Variants in THEM4 observed in about 807,000 individuals in gnomAD.
THEM4 encodes thioesterase superfamily member 4.
THEM4 carries 22 observed loss-of-function variants against 25.0 expected under a neutral mutation model. The observed-to-expected ratio is 0.88, with a 90% CI of 0.63 to 1.26. The LOEUF (loss-of-function observed/expected upper bound fraction) is 1.26, where lower values mean the gene tolerates loss of function less well. Ranked by LOEUF, THEM4 falls within the 50% of genes most tolerant of loss-of-function variation. The probability of loss-of-function intolerance (pLI) is 0.00; values close to 1 mark genes in which losing one functional copy is unlikely to be tolerated. For missense variants in THEM4, 286 were observed against 300.3 expected, an observed-to-expected ratio of 0.95 and a Z score of 0.35; for synonymous variants, 113 against 105.6, an observed-to-expected ratio of 1.07 and a Z score of -0.43.
intron 2 of THEM4, among the ~76,000 whole-genome samples, chr1:151,893,387 AAAAACAAAAAAACAAC>A (rs1246072302): frequency 7.1e-6 from 1 of 141,196 alleles, no homozygotes; most frequent in Non-Finnish European, 1.5e-5. Flanking sequence ...CAAAAACAAA[AAAAACAAAAAAACAAC>A]AAAACAAAAA....
At position 151,877,078 on chromosome 1, in the gene THEM4, T is replaced by G; in HGVS notation, c.605A>C (p.Lys202Thr). The G allele has an allele frequency of 6.2e-7, 1 of 1,613,714 alleles. No homozygotes were observed. Among genetic ancestry groups the G allele is most frequent in the Admixed American group, 1.7e-5 (1 of 59,970 alleles). Residue 202 changes from lysine (K) to threonine (T), a missense_variant, in exon 5 of 6, where the codon AAA becomes ACA. Physicochemically the swap from Lys to Thr is moderately conservative, Grantham distance 78. Transcript: ENST00000368814. ...AACAAAAAATTTCCTTCCTTCAACT[T>G]TATCAAGTTGGCTATTTATCATAAC... ...SVVMINSQLD[K>T]VEGRKFFVSC...
rs1421527430 is a variant in THEM4 at position 151,877,139 on chromosome 1, TG to T, written c.558-15del. The T allele has an allele frequency of 1.3e-6, 2 of 1,589,096 alleles. No individual in the cohort carries two copies. The highest frequency in any genetic ancestry group is 1.7e-6 in the Non-Finnish European group (2 of 1,173,106). On this transcript the variant is annotated splice_polypyrimidine_tract_variant and intron_variant, in intron 4 of 5. Transcript: ENST00000368814. ...AGAGGGATAGGTCTGCAGAATAAAA[TG>T]AAAAAGGAAAAAAATCAGTTTTTAT...
At chr1:151,901,682 A>C (rs551896659) in intron 1 of THEM4, among the ~76,000 whole-genome samples, 83 of 152,256 alleles carry the variant, frequency 5.5e-4, no homozygotes, top group Middle Eastern at 3.4e-3. Context: ...GTCTCTACTA[A>C]AAATACAAAA....
intron 1 of THEM4, among the ~76,000 whole-genome samples, chr1:151,908,952 C>T (rs1654534747): frequency 6.6e-6 from 1 of 152,192 alleles, no homozygotes; most frequent in Non-Finnish European, 1.5e-5. Flanking sequence ...GGAAGATAAG[C>T]GTTTGGATCA....
chr1:151,890,912 T>TA (rs1654079906), intron 2 of THEM4: 1 of 152,216 alleles, frequency 6.6e-6, no homozygotes, highest in South Asian at 2.1e-4. Flanking sequence ...GACTTCAGGA[T>TA]AAGATAGGTG....
chr1:151,886,158 G>A (rs1382817963), intron 4 of THEM4, among the ~76,000 whole-genome samples: 1 of 152,198 alleles, frequency 6.6e-6, no homozygotes, highest in East Asian at 1.9e-4. Context: ...TAAGATGTGA[G>A]TTCTAATTCT....
chr1:151,905,518 A>T (rs1654438389), intron 1 of THEM4, among the ~76,000 whole-genome samples: 1 of 152,200 alleles, frequency 6.6e-6, no homozygotes, highest in East Asian at 1.9e-4. Context: ...AAATTTAAAA[A>T]GTGAAAAACA....
rs1654555517 is a variant in THEM4 at position 151,909,473 on chromosome 1, G to T, written c.-15C>A. The stretch of plus-strand genomic sequence containing the variant: ...CTCCTCAGCATGGCTCCGGGCCGCG[G>T]GGCCGCGCTTGCTCTAGCCCTGGAC... On this transcript the variant is annotated 5_prime_UTR_variant, in exon 1 of 6. Coordinates refer to ENST00000368814, the MANE Select transcript of THEM4 (RefSeq NM_053055.5). 1.5e-6 allele frequency: 2 copies of T among 1,376,454 alleles called. No individual in the cohort carries two copies. The highest frequency in any genetic ancestry group is 1.7e-5 in the South Asian group (1 of 60,226). 85.3% of individuals were successfully genotyped at this position (1,376,454 alleles called of 1,614,324 possible). A position where few individuals can be genotyped will look rare whatever the true frequency, so the allele number is the denominator to read the frequency against.
Position 151,872,692 on chromosome 1 carries a change from G to C in THEM4, c.*2196C>G, listed in dbSNP as rs1324733247. On this transcript the variant is annotated 3_prime_UTR_variant, in exon 6 of 6. Transcript: ENST00000368814. ...TGGAATCAAGGTTTAAGGGATCTAG[G>C]ACTGTGCAGGACGTGCCTCATTAAC... 6.6e-6 allele frequency among the ~76,000 whole-genome samples: 1 copy of C among 152,190 alleles called. No individual in the cohort carries two copies. Among genetic ancestry groups the C allele is most frequent in the Non-Finnish European group, 1.5e-5 (1 of 68,034 alleles).
At chr1:151,908,439 G>A (rs1187952324) in intron 1 of THEM4, among the ~76,000 whole-genome samples, 1 of 152,110 alleles carries the variant, frequency 6.6e-6, no homozygotes, top group Admixed American at 6.5e-5. Context: ...AGTCCTTTCT[G>A]GTTTGGTATC....
At position 151,873,691 on chromosome 1, in the gene THEM4, AGAG is replaced by A. The variant is rs1219956107; in HGVS notation, c.*1194_*1196del. On this transcript the variant is annotated 3_prime_UTR_variant, in exon 6 of 6. Transcript: ENST00000368814. ...CATTATGACTGGTTTCCTTATAAAA[AGAG>A]GAGACTTGGACACAGAGATAGATCT... 1 of 152,244 alleles carries A rather than the reference AGAG, an allele frequency of 6.6e-6. No individual in the cohort carries two copies. Among genetic ancestry groups the A allele is most frequent in the East Asian group, 1.9e-4 (1 of 5,192 alleles). 9.4% of individuals were successfully genotyped at this position (152,244 alleles called of 1,614,324 possible). A position where few individuals can be genotyped will look rare whatever the true frequency, so the allele number is the denominator to read the frequency against.
At chr1:151,895,278 T>G in intron 1 of THEM4, 84 bp from the exon 2 acceptor site, 1 of 1,209,000 alleles carries the variant, frequency 8.3e-7, no homozygotes, top group Non-Finnish European at 1.2e-6. Context: ...TAAGATTATC[T>G]TGCTGCTTTT....
chr1:151,892,238 A>C (rs114354454), intron 2 of THEM4, among the ~76,000 whole-genome samples: 1 of 152,152 alleles, frequency 6.6e-6, no homozygotes, highest in African/African-American at 2.4e-5. Context: ...ACCCTGGAAA[A>C]CATTGACATT....
chr1:151,887,240 C>T (rs940299639), intron 4 of THEM4, among the ~76,000 whole-genome samples: 5 of 152,084 alleles, frequency 3.3e-5, no homozygotes, highest in Non-Finnish European at 5.9e-5. Context: ...ATCAGCCTGG[C>T]CAACAAAGTG....
At chr1:151,893,890 C>T (rs1376730429) in intron 2 of THEM4, among the ~76,000 whole-genome samples, 1 of 151,516 alleles carries the variant, frequency 6.6e-6, no homozygotes, top group Non-Finnish European at 1.5e-5. Flanking sequence ...GAGACAGTCT[C>T]ACTCTGTTGC....
At chr1:151,894,838 C>G in intron 2 of THEM4, 170 bp downstream of exon 2, 2 of 741,384 alleles carry the variant, frequency 2.7e-6, no homozygotes, top group Non-Finnish European at 4.5e-6. Flanking sequence ...GCTTTATGCT[C>G]TCCAATCTGC....
At chr1:151,903,825 T>C (rs1276834136) in intron 1 of THEM4, among the ~76,000 whole-genome samples, 1 of 152,230 alleles carries the variant, frequency 6.6e-6, no homozygotes, top group African/African-American at 2.4e-5. Flanking sequence ...TTAAATACTT[T>C]TAGGAATTAG....
chr1:151,876,341 G>A (rs566116751), intron 5 of THEM4, among the ~76,000 whole-genome samples: 1 of 152,194 alleles, frequency 6.6e-6, no homozygotes, highest in East Asian at 1.9e-4. Flanking sequence ...TTGCATGAGT[G>A]ACACAATCAC....
chr1:151,871,445 T>C lies in THEM4; in HGVS notation c.*3443A>G, dbSNP rs899921761. ...GATGGAGTGGAGCTGGCAATTCTGA[T>C]AGCATCTCTCTCCTTCTTTCTACCT... On this transcript the variant is annotated 3_prime_UTR_variant, in exon 6 of 6. Coordinates refer to ENST00000368814, the MANE Select transcript of THEM4 (RefSeq NM_053055.5). Among the ~76,000 whole-genome samples, 2 of 152,238 alleles carry C rather than the reference T, an allele frequency of 1.3e-5. No homozygotes were observed. The highest frequency in any genetic ancestry group is 2.9e-5 in the Non-Finnish European group (2 of 68,038).
Sources: gnomAD v4.1 joint callset for allele counts (sites outside exome capture counted in the v4.1 genomes callset) on GRCh38, gnomAD v4.1.1 for gene constraint, MANE v1.5 for transcripts, NCBI Gene and HGNC (gene_info 2026-07-23, HGNC 2026-07-21) for gene names.